Variants in TMTC4 observed in about 807,000 individuals in gnomAD.
TMTC4 encodes protein O-mannosyl-transferase TMTC4.
A neutral mutation model predicts 86.0 loss-of-function variants in TMTC4; 65 were observed. That is an observed-to-expected ratio of 0.76 (90% CI 0.62 to 0.93). TMTC4 has a LOEUF of 0.93. Ranked by LOEUF, TMTC4 falls within the 40% of genes least tolerant of loss-of-function variation. TMTC4 has a pLI of 0.00. For synonymous variants in TMTC4, 379 were observed against 382.5 expected, an observed-to-expected ratio of 0.99 and a Z score of 0.11; for missense variants, 866 against 948.1, an observed-to-expected ratio of 0.91 and a Z score of 1.14.
chr13:100,619,296 C>T (rs1486211363), intron 15 of TMTC4, among the ~76,000 whole-genome samples: 3 of 151,008 alleles, frequency 2.0e-5, no homozygotes, highest in African/African-American at 7.3e-5. Context: ...TATAAAATGG[C>T]TAGCTCTCAA....
In TMTC4 at chr13:100,668,045, G is replaced by A. The variant is rs918352418; in HGVS notation, c.219+534C>T. On this transcript the variant is annotated intron_variant, in intron 3 of 18. Coordinates refer to ENST00000342624, the MANE Select transcript of TMTC4 (RefSeq NM_032813.5). The stretch of plus-strand genomic sequence containing the variant: ...GAATCTCCAAACACGAAACAAGCAG[G>A]AACTGCAGCGCCCATGGGCAGCACA... Among the ~76,000 whole-genome samples, 3 of 152,150 alleles carry A rather than the reference G, an allele frequency of 2.0e-5. No homozygotes were observed. The East Asian group carries it at 5.8e-4, about 29-fold the overall frequency.
At chr13:100,662,072 C>G (rs747856940) in intron 5 of TMTC4, among the ~76,000 whole-genome samples, 1 of 152,004 alleles carries the variant, frequency 6.6e-6, no homozygotes, top group Non-Finnish European at 1.5e-5. Context: ...TCCAAACACA[C>G]AGAGGCAGCG....
At chr13:100,641,306 T>C (rs1488510819) in intron 7 of TMTC4, among the ~76,000 whole-genome samples, 1 of 152,140 alleles carries the variant, frequency 6.6e-6, no homozygotes, top group African/African-American at 2.4e-5. Context: ...AGGTCAAACA[T>C]TTGTGACCAT....
At chr13:100,665,714 G>C (rs962229691) in intron 3 of TMTC4, among the ~76,000 whole-genome samples, 1 of 152,216 alleles carries the variant, frequency 6.6e-6, no homozygotes, top group Non-Finnish European at 1.5e-5. Context: ...AGCAACAAAG[G>C]TCCACAGCCA....
chr13:100,674,512 C>G (rs1055185572), intron 1 of TMTC4: 5 of 971,514 alleles, frequency 5.1e-6, no homozygotes, highest in Non-Finnish European at 6.1e-6. Flanking sequence ...GCAGCCTCCA[C>G]GCCGCGCCCT....
At chr13:100,660,227 A>T (rs1054032148) in intron 5 of TMTC4, among the ~76,000 whole-genome samples, 1 of 150,890 alleles carries the variant, frequency 6.6e-6, no homozygotes, top group Non-Finnish European at 1.5e-5. Context: ...GCTACTTGGG[A>T]GGCAGAGGTA....
At chr13:100,629,400 G>A (rs1017932744) in intron 12 of TMTC4, among the ~76,000 whole-genome samples, 5 of 152,086 alleles carry the variant, frequency 3.3e-5, no homozygotes, top group African/African-American at 9.7e-5. Context: ...GTGTGATCGC[G>A]GTCTTTCCTC....
chr13:100,628,038 T>C (rs1880810259), intron 12 of TMTC4, among the ~76,000 whole-genome samples: 2 of 152,022 alleles, frequency 1.3e-5, no homozygotes, highest in South Asian at 4.2e-4. Flanking sequence ...CAAGAACAAG[T>C]GGTAGGTTCC....
chr13:100,618,310 A>G (rs1456628452), intron 15 of TMTC4, among the ~76,000 whole-genome samples: 1 of 151,920 alleles, frequency 6.6e-6, no homozygotes, highest in Non-Finnish European at 1.5e-5. Flanking sequence ...TTCTTTTCCT[A>G]TTTACATGCC....
At chr13:100,639,102 T>C (rs963519613) in intron 7 of TMTC4, among the ~76,000 whole-genome samples, 2 of 152,222 alleles carry the variant, frequency 1.3e-5, no homozygotes, top group African/African-American at 4.8e-5. Context: ...AGTCTGCACA[T>C]ACTCAGTGGA....
intron 15 of TMTC4, among the ~76,000 whole-genome samples, chr13:100,623,474 C>A (rs951781297): frequency 1.3e-5 from 2 of 152,138 alleles, no homozygotes; most frequent in African/African-American, 4.8e-5. Flanking sequence ...CTCAAGTGAT[C>A]CGCCCGCCTT....
chr13:100,666,147 T>C (rs776815754), intron 3 of TMTC4: 17 of 439,588 alleles, frequency 3.9e-5, no homozygotes, highest in South Asian at 2.6e-4. Context: ...TAATGATTTA[T>C]GGAAAAGATG....
chr13:100,611,089 T>C (rs1483189162), intron 17 of TMTC4, among the ~76,000 whole-genome samples: 1 of 152,240 alleles, frequency 6.6e-6, no homozygotes, highest in Non-Finnish European at 1.5e-5. Flanking sequence ...ATTATACTGA[T>C]AATGACATGT....
At chr13:100,607,168 T>TG (rs1222659853) in intron 17 of TMTC4, among the ~76,000 whole-genome samples, 2 of 152,170 alleles carry the variant, frequency 1.3e-5, no homozygotes, top group Non-Finnish European at 2.9e-5. Context: ...ACATGTGCCC[T>TG]GGGGACGCTG....
intron 12 of TMTC4, among the ~76,000 whole-genome samples, chr13:100,631,754 T>C (rs1881392820): frequency 6.6e-6 from 1 of 152,128 alleles, no homozygotes; most frequent in Non-Finnish European, 1.5e-5. Flanking sequence ...GTATAGAAAA[T>C]GTGTCCCCTG....
intron 12 of TMTC4, among the ~76,000 whole-genome samples, chr13:100,628,609 AAGAG>A (rs769281061): frequency 6.6e-5 from 10 of 152,268 alleles, no homozygotes; most frequent in Admixed American, 2.6e-4. Flanking sequence ...ATTTAAAAAA[AAGAG>A]AGAATGAGGA....
At chr13:100,641,084 A>G (rs1172831899) in intron 7 of TMTC4, among the ~76,000 whole-genome samples, 1 of 151,808 alleles carries the variant, frequency 6.6e-6, no homozygotes, top group African/African-American at 2.4e-5. Flanking sequence ...GCCGAGGTAC[A>G]GTTTTTTTCC....
chr13:100,622,310 T>TA (rs1332945914), intron 15 of TMTC4, among the ~76,000 whole-genome samples: 2 of 152,170 alleles, frequency 1.3e-5, no homozygotes, highest in African/African-American at 4.8e-5. Flanking sequence ...AGTCAGCACA[T>TA]AGAGGTGGTA....
chr13:100,665,629 C>G (rs1412144905), intron 3 of TMTC4, among the ~76,000 whole-genome samples: 2 of 152,192 alleles, frequency 1.3e-5, no homozygotes, highest in African/African-American at 4.8e-5. Context: ...TGTACCAGCT[C>G]CCTAATCAAA....
Sources: allele counts gnomAD v4.1 joint callset (sites outside exome capture counted in the v4.1 genomes callset), GRCh38; gene constraint gnomAD v4.1.1; transcripts MANE v1.5; gene names NCBI Gene and HGNC (gene_info 2026-07-23, HGNC 2026-07-21).